Variants in IMMP2L observed in about 807,000 individuals in gnomAD.
The protein encoded by IMMP2L is inner mitochondrial membrane peptidase subunit 2.
IMMP2L carries 18 observed loss-of-function variants against 19.3 expected under a neutral mutation model. The observed-to-expected ratio is 0.93, with a 90% confidence interval of 0.64 to 1.38. The LOEUF is 1.38. Ranked by LOEUF, IMMP2L falls within the 40% of genes most tolerant of loss-of-function variation. IMMP2L has a pLI of 0.00. For synonymous variants in IMMP2L, 76 were observed against 73.0 expected, an observed-to-expected ratio of 1.04 and a Z score of -0.21; for missense variants, 233 against 218.2, an observed-to-expected ratio of 1.07 and a Z score of -0.43.
At chr7:110,980,593 G>A (rs899401245) in intron 3 of IMMP2L, among the ~76,000 whole-genome samples, 15 of 152,102 alleles carry the variant, frequency 9.9e-5, no homozygotes, top group Non-Finnish European at 1.6e-4. Context: ...TGTACATGAT[G>A]TGGATTCAGT....
chr7:111,352,347 A>C (rs1445399757), intron 3 of IMMP2L, among the ~76,000 whole-genome samples: 5 of 150,714 alleles, frequency 3.3e-5, no homozygotes, highest in Admixed American at 2.7e-4. Context: ...ATGCAGGTAC[A>C]TGCCACCATG....
intron 3 of IMMP2L, among the ~76,000 whole-genome samples, chr7:111,360,137 G>A (rs868273362): frequency 1.5e-5 from 2 of 131,416 alleles, no homozygotes; most frequent in Non-Finnish European, 3.1e-5. Flanking sequence ...TTACAATTTC[G>A]CCATAATGTC....
At chr7:111,143,566 G>A (rs1028504430) in intron 3 of IMMP2L, among the ~76,000 whole-genome samples, 4 of 152,038 alleles carry the variant, frequency 2.6e-5, no homozygotes, top group Non-Finnish European at 1.5e-5. Flanking sequence ...TTATTTCTTA[G>A]CAATCCATTT....
chr7:110,850,708 A>T (rs896839534), intron 5 of IMMP2L, among the ~76,000 whole-genome samples: 1 of 146,196 alleles, frequency 6.8e-6, no homozygotes, highest in Non-Finnish European at 1.5e-5. Context: ...AATTCTTAGT[A>T]AAAAAAAAAA....
intron 3 of IMMP2L, among the ~76,000 whole-genome samples, chr7:111,328,782 T>C (rs1825591454): frequency 6.6e-6 from 1 of 151,816 alleles, no homozygotes; most frequent in Non-Finnish European, 1.5e-5. Context: ...CCCATGTAAC[T>C]ATTCCACATG....
chr7:110,685,728 A>G (rs956509129), intron 5 of IMMP2L, among the ~76,000 whole-genome samples: 2 of 151,882 alleles, frequency 1.3e-5, no homozygotes, highest in African/African-American at 4.8e-5. Context: ...TTTTTTTCTG[A>G]CACAAAGCTG....
intron 3 of IMMP2L, among the ~76,000 whole-genome samples, chr7:111,034,208 C>T (rs1324466309): frequency 6.6e-6 from 1 of 151,936 alleles, no homozygotes; most frequent in African/African-American, 2.4e-5. Context: ...TCAATTCTTC[C>T]TTGACACAAG....
intron 5 of IMMP2L, among the ~76,000 whole-genome samples, chr7:110,810,602 C>A (rs1194686056): frequency 1.3e-5 from 2 of 151,938 alleles, no homozygotes; most frequent in East Asian, 3.9e-4. Flanking sequence ...GCCATCAGAC[C>A]TTAAGCAGTA....
chr7:110,819,071 G>A (rs1802798506), intron 5 of IMMP2L, among the ~76,000 whole-genome samples: 1 of 151,524 alleles, frequency 6.6e-6, no homozygotes, highest in Non-Finnish European at 1.5e-5. Flanking sequence ...TAACAAACCT[G>A]CACATTGTGC....
rs189431185 is a variant in IMMP2L at position 111,153,935 on chromosome 7, T to G, written c.240-190370A>C. ...GAAGCAGAAACAAATTCATATTTCC[T>G]AACACTTATTCAAATTCCTTGGACT... On this transcript the variant is annotated intron_variant, in intron 3 of 5. Coordinates refer to ENST00000405709, the MANE Select transcript of IMMP2L (RefSeq NM_032549.4). Among the ~76,000 whole-genome samples, 270 of 152,194 alleles carry G rather than the reference T, an allele frequency of 1.8e-3. 2 individuals are homozygous for G. Among genetic ancestry groups the G allele is most frequent in the African/African-American group, 6.1e-3 (253 of 41,534 alleles).
At chr7:111,391,609 G>GT (rs1480586426) in intron 3 of IMMP2L, among the ~76,000 whole-genome samples, 1 of 152,144 alleles carries the variant, frequency 6.6e-6, no homozygotes, top group Non-Finnish European at 1.5e-5. Flanking sequence ...AGATTGCTTT[G>GT]TAAGTGTCTT....
At chr7:111,045,036 T>C (rs1792262372) in intron 3 of IMMP2L, among the ~76,000 whole-genome samples, 1 of 152,112 alleles carries the variant, frequency 6.6e-6, no homozygotes, top group Non-Finnish European at 1.5e-5. Context: ...GAGATAATAA[T>C]TAATATATAA....
intron 5 of IMMP2L, among the ~76,000 whole-genome samples, chr7:110,693,666 T>C (rs1157165182): frequency 6.6e-6 from 1 of 152,158 alleles, no homozygotes; most frequent in East Asian, 1.9e-4. Context: ...GATGAAGCTT[T>C]CCTAGAGGGA....
rs1440969928 is a variant in IMMP2L at position 111,126,360 on chromosome 7, GT to G, written c.240-162796del. ...AGCATTAGTAGTAGAAGTTTAACAGGTTCGACTTTCTGAAATTTCTTTTATT... is the reference window on the plus strand; with the variant it reads ...AGCATTAGTAGTAGAAGTTTAACAGGTCGACTTTCTGAAATTTCTTTTATT... On this transcript the variant is annotated intron_variant, in intron 3 of 5. Transcript: ENST00000405709. Among the ~76,000 whole-genome samples, 5 of 152,094 alleles carry G rather than the reference GT, an allele frequency of 3.3e-5. 1 individual carries two copies. In the South Asian group the frequency reaches 6.2e-4, roughly 19 times the overall value.
intron 3 of IMMP2L, among the ~76,000 whole-genome samples, chr7:111,410,620 C>T (rs901512979): frequency 6.7e-6 from 1 of 150,142 alleles, no homozygotes; most frequent in African/African-American, 2.5e-5. Flanking sequence ...ACAAAGATAA[C>T]AAAATTAACA....
intron 3 of IMMP2L, among the ~76,000 whole-genome samples, chr7:111,206,073 A>T (rs1810673325): frequency 6.6e-6 from 1 of 152,126 alleles, no homozygotes. Context: ...ATGATACCAA[A>T]TCTGTTTTTC....
chr7:111,313,851 G>A (rs1823767167), intron 3 of IMMP2L, among the ~76,000 whole-genome samples: 1 of 152,128 alleles, frequency 6.6e-6, no homozygotes, highest in South Asian at 2.1e-4. Context: ...GCAATCCCCA[G>A]CACTGGAGGT....
chr7:111,428,349 A>G (rs1422625705), intron 3 of IMMP2L, among the ~76,000 whole-genome samples: 3 of 151,828 alleles, frequency 2.0e-5, no homozygotes, highest in African/African-American at 4.9e-5. Flanking sequence ...GGGGGTTTCA[A>G]TTGTAATTTT....
At chr7:110,679,454 G>T (rs889007040) in intron 5 of IMMP2L, among the ~76,000 whole-genome samples, 1 of 152,058 alleles carries the variant, frequency 6.6e-6, no homozygotes, top group Non-Finnish European at 1.5e-5. Flanking sequence ...TTATTTTTAT[G>T]TTGGAGATAA....
Sources: gnomAD v4.1 joint callset for allele counts (sites outside exome capture counted in the v4.1 genomes callset) on GRCh38, gnomAD v4.1.1 for gene constraint, MANE v1.5 for transcripts, NCBI Gene and HGNC (gene_info 2026-07-23, HGNC 2026-07-21) for gene names.